PSMB5: variants seen among roughly 807,000 people sequenced by gnomAD.
PSMB5 encodes the protein proteasome subunit beta type-5.
A neutral mutation model predicts 22.8 loss-of-function variants in PSMB5; 2 were observed. The observed-to-expected ratio is 0.09, with a 90% CI of 0.04 to 0.28. PSMB5 has a LOEUF of 0.28. PSMB5 is among the 10% of genes least tolerant of loss of function. PSMB5 has a pLI of 1.00. For missense variants in PSMB5, 269 were observed against 343.8 expected (o/e 0.78, Z 1.72); for synonymous variants, 133 against 135.3 (o/e 0.98, Z 0.12).
chr14:23,033,013 T>A (rs771372762), intron 2 of PSMB5, among the ~76,000 whole-genome samples: 2 of 150,280 alleles, frequency 1.3e-5, no homozygotes, highest in Non-Finnish European at 3.0e-5. Context: ...TTCAAGCAAT[T>A]CTCATGCCTC....
intron 1 of PSMB5, among the ~76,000 whole-genome samples, chr14:23,034,324 T>G (rs1405930823): frequency 1.3e-5 from 2 of 152,136 alleles, no homozygotes; most frequent in Non-Finnish European, 2.9e-5. Flanking sequence ...GCCGCCCAGT[T>G]TCCAAAACTT....
At chr14:23,027,620 C>T (rs2046925358) in intron 2 of PSMB5, 3 of 615,078 alleles carry the variant, frequency 4.9e-6, no homozygotes, top group Non-Finnish European at 8.2e-6. Flanking sequence ...CACACTCCAG[C>T]TTGGGCAACA....
chr14:23,031,202 G>A (rs890628397), intron 2 of PSMB5, among the ~76,000 whole-genome samples: 10 of 152,152 alleles, frequency 6.6e-5, no homozygotes, highest in African/African-American at 2.2e-4. Flanking sequence ...CCCGGTCCCT[G>A]TACTCTTTTA....
chr14:23,033,318 T>A (rs2139921826), intron 2 of PSMB5, 50 bp downstream of exon 2: 1 of 1,565,016 alleles, frequency 6.4e-7, no homozygotes, highest in East Asian at 2.3e-5. Context: ...ATCCAACCCC[T>A]CCTCACTGTA....
upstream of PSMB5, chr14:23,034,907 T>C (rs753977601): frequency 6.2e-7 from 1 of 1,607,174 alleles, no homozygotes; most frequent in South Asian, 1.1e-5. Flanking sequence ...AAAGAACTAA[T>C]TCTGAGAACG....
chr14:23,034,008 A>C (rs1392944588), intron 1 of PSMB5, among the ~76,000 whole-genome samples: 1 of 152,094 alleles, frequency 6.6e-6, no homozygotes, highest in East Asian at 1.9e-4. Flanking sequence ...CATCTCTACA[A>C]AAAGTAAAAA....
chr14:23,030,080 G>C (rs2046942065), intron 2 of PSMB5, among the ~76,000 whole-genome samples: 1 of 152,032 alleles, frequency 6.6e-6, no homozygotes, highest in Admixed American at 6.5e-5. Context: ...GTTCCACCAT[G>C]TTGGTCAGGC....
upstream of PSMB5, chr14:23,034,921 A>G: frequency 1.9e-6 from 3 of 1,591,550 alleles, no homozygotes; most frequent in Non-Finnish European, 2.6e-6. Flanking sequence ...GAGAACGCCT[A>G]GCAAAGATAG....
intron 2 of PSMB5, chr14:23,027,972 T>C: frequency 2.0e-6 from 1 of 489,754 alleles, no homozygotes; most frequent in Non-Finnish European, 3.8e-6. Context: ...GGAGAAACCC[T>C]GTCTCTACTA....
intron 1 of PSMB5, 68 bp from the exon 2 acceptor site, chr14:23,033,742 T>C (rs1240817428): frequency 7.1e-7 from 1 of 1,415,274 alleles, no homozygotes; most frequent in African/African-American, 1.4e-5. Flanking sequence ...ACATACTTCT[T>C]TTTGCATCAA....
At chr14:23,027,535 G>T (rs1407940609) in intron 2 of PSMB5, among the ~76,000 whole-genome samples, 7 of 150,734 alleles carry the variant, frequency 4.6e-5, no homozygotes, top group Admixed American at 3.3e-4. Flanking sequence ...GGTGGTGCAT[G>T]TCTGTGGGAG....
rs1411701796 is a variant in PSMB5 at position 23,026,259 on chromosome 14, C to T, written c.622G>A (p.Val208Met). 1.2e-6 allele frequency: 2 copies of T among 1,614,166 alleles called. No individual in the cohort carries two copies. The highest frequency in any genetic ancestry group is 1.7e-6 in the Non-Finnish European group (2 of 1,180,038). The change falls in exon 3 of 3, where the codon GTG becomes ATG. Residue 208 changes from valine to methionine, a missense_variant. By Grantham distance (21) the Val-to-Met change is conservative (BLOSUM62 1). Transcript: ENST00000361611. ...CGGGCCAGATCATAGGCCTGCTCCA[C>T]TTCCAGGTCATAGGAATAGCCCCGA... ...MDRGYSYDLE[V>M]EQAYDLARRA...
At chr14:23,032,878 T>G (rs2046963494) in intron 2 of PSMB5, among the ~76,000 whole-genome samples, 1 of 149,544 alleles carries the variant, frequency 6.7e-6, no homozygotes, top group Admixed American at 6.7e-5. Flanking sequence ...ATTACAGGAG[T>G]GAGCCACCAC....
At chr14:23,029,773 C>A (rs1458470731) in intron 2 of PSMB5, among the ~76,000 whole-genome samples, 1 of 151,848 alleles carries the variant, frequency 6.6e-6, no homozygotes, top group African/African-American at 2.4e-5. Flanking sequence ...GCCACCACAG[C>A]CGGCTAATTT....
intron 2 of PSMB5, among the ~76,000 whole-genome samples, chr14:23,030,952 A>G (rs1397144003): frequency 6.6e-6 from 1 of 152,130 alleles, no homozygotes; most frequent in African/African-American, 2.4e-5. Context: ...ATAAATAAAT[A>G]AATTGGTCCT....
At chr14:23,033,266 A>G (rs1403677966) in intron 2 of PSMB5, 102 bp downstream of exon 2, 1 of 1,244,982 alleles carries the variant, frequency 8.0e-7, no homozygotes, top group Non-Finnish European at 1.1e-6. Flanking sequence ...ACCTAATTAC[A>G]CTTCTTCAGC....
chr14:23,032,048 C>T (rs181301164), intron 2 of PSMB5, among the ~76,000 whole-genome samples: 34 of 152,228 alleles, frequency 2.2e-4, no homozygotes, highest in Admixed American at 6.5e-4. Context: ...GAGATCCCGC[C>T]GCTGCACTCC....
At chr14:23,034,481 G>A in intron 1 of PSMB5, 3 of 617,648 alleles carry the variant, frequency 4.9e-6, no homozygotes, top group Non-Finnish European at 8.3e-6. Context: ...CTTACCCCCG[G>A]CCCCACCGCC....
In PSMB5 at chr14:23,026,052, C is replaced by T. The variant is rs1458969631; in HGVS notation, c.*37G>A. 1 of 1,604,674 alleles carries T rather than the reference C, an allele frequency of 6.2e-7. No individual in the cohort carries two copies. Among genetic ancestry groups the T allele is most frequent in the South Asian group, 1.1e-5 (1 of 89,824 alleles). On this transcript the variant is annotated 3_prime_UTR_variant, in exon 3 of 3. Coordinates refer to ENST00000361611, the MANE Select transcript of PSMB5 (RefSeq NM_002797.5). ...CTGTGTCCGTATTACCAATGACAGT[C>T]ACCCCAAGAAACACAAGCAGCTGCA...
Sources: allele counts gnomAD v4.1 joint callset (sites outside exome capture counted in the v4.1 genomes callset), GRCh38; gene constraint gnomAD v4.1.1; transcripts MANE v1.5; gene names NCBI Gene and HGNC (gene_info 2026-07-23, HGNC 2026-07-21).